Variants in CHN2 observed in about 807,000 individuals in gnomAD.
CHN2 encodes beta-chimaerin.
Under a neutral mutation model 56.3 loss-of-function variants are expected in CHN2, and 35 were observed. That is an observed-to-expected ratio of 0.62 (90% CI 0.47 to 0.82). The LOEUF is 0.82. Ranked by LOEUF, CHN2 falls within the 40% of genes least tolerant of loss-of-function variation. The pLI is 0.00. For missense variants in CHN2, 491 were observed against 580.5 expected (o/e 0.85, Z 1.58); for synonymous variants, 210 against 212.8 (o/e 0.99, Z 0.12).
chr7:29,490,049 A>T (rs568887777), intron 7 of CHN2, among the ~76,000 whole-genome samples: 2 of 151,864 alleles, frequency 1.3e-5, no homozygotes, highest in South Asian at 4.2e-4. Context: ...AGATATAGGG[A>T]TATTTAAGAT....
intron 6 of CHN2, among the ~76,000 whole-genome samples, chr7:29,471,162 T>C (rs1259438626): frequency 6.6e-6 from 1 of 152,242 alleles, no homozygotes; most frequent in Admixed American, 6.5e-5. Flanking sequence ...CTAAGACTTT[T>C]AAAGTTCGTA....
intron 1 of CHN2, among the ~76,000 whole-genome samples, chr7:29,327,199 A>G (rs1415454066): frequency 6.6e-6 from 1 of 152,182 alleles, no homozygotes; most frequent in Non-Finnish European, 1.5e-5. Flanking sequence ...CTTTGAGGTG[A>G]AGTAGAAGGT....
intron 12 of CHN2, among the ~76,000 whole-genome samples, chr7:29,511,970 G>A (rs1162887880): frequency 1.3e-5 from 2 of 151,956 alleles, no homozygotes; most frequent in African/African-American, 4.8e-5. Context: ...CTCATCCTGT[G>A]GGAACTAGAA....
intron 4 of CHN2, among the ~76,000 whole-genome samples, chr7:29,396,331 C>T (rs535719756): frequency 2.0e-5 from 3 of 151,894 alleles, no homozygotes; most frequent in East Asian, 3.9e-4. Flanking sequence ...GTGGGGTGTG[C>T]CTGTAGTCCC....
intron 1 of CHN2, among the ~76,000 whole-genome samples, chr7:29,265,143 T>C (rs1418713013): frequency 6.6e-6 from 1 of 152,196 alleles, no homozygotes; most frequent in African/African-American, 2.4e-5. Flanking sequence ...GTGGTGTCTC[T>C]GGCTATTTCC....
chr7:29,485,335 T>C (rs1453050533), intron 7 of CHN2, among the ~76,000 whole-genome samples: 1 of 152,118 alleles, frequency 6.6e-6, no homozygotes, highest in African/African-American at 2.4e-5. Flanking sequence ...TTCAAAACTA[T>C]GACAGCAGCA....
intron 3 of CHN2, among the ~76,000 whole-genome samples, chr7:29,369,747 T>C (rs1005613623): frequency 6.6e-6 from 1 of 152,170 alleles, no homozygotes; most frequent in Non-Finnish European, 1.5e-5. Context: ...ACTGAAACTC[T>C]TCAACCATCC....
At chr7:29,503,189 C>T (rs975040567) in intron 9 of CHN2, among the ~76,000 whole-genome samples, 1 of 151,980 alleles carries the variant, frequency 6.6e-6, no homozygotes, top group African/African-American at 2.4e-5. Flanking sequence ...AGGGAGGGAC[C>T]CTAAACATTA....
At chr7:29,340,033 A>G (rs1433941879) in intron 1 of CHN2, among the ~76,000 whole-genome samples, 1 of 152,110 alleles carries the variant, frequency 6.6e-6, no homozygotes, top group Admixed American at 6.6e-5. Flanking sequence ...TTGGACAGGG[A>G]CTTTACAATT....
intron 1 of CHN2, among the ~76,000 whole-genome samples, chr7:29,215,431 G>A (rs1785262981): frequency 1.3e-5 from 2 of 152,114 alleles, no homozygotes; most frequent in South Asian, 4.1e-4. Flanking sequence ...AGGCCTCCCA[G>A]AGGTCCCAAT....
intron 6 of CHN2, among the ~76,000 whole-genome samples, chr7:29,466,674 T>C (rs894577795): frequency 2.0e-5 from 3 of 152,202 alleles, no homozygotes; most frequent in Non-Finnish European, 4.4e-5. Context: ...CCACTTGTTT[T>C]GCACATCTGA....
intron 8 of CHN2, among the ~76,000 whole-genome samples, chr7:29,497,475 GT>G (rs1182535883): frequency 1.3e-5 from 2 of 151,370 alleles, no homozygotes; most frequent in East Asian, 1.9e-4. Context: ...TTTTTGTGGG[GT>G]TTTTTTCTGG....
At chr7:29,377,476 T>C (rs1386498585) in intron 3 of CHN2, among the ~76,000 whole-genome samples, 2 of 152,270 alleles carry the variant, frequency 1.3e-5, no homozygotes, top group African/African-American at 4.8e-5. Context: ...AATGTCCTCT[T>C]GCCTTAATGA....
intron 1 of CHN2, among the ~76,000 whole-genome samples, chr7:29,325,074 T>G (rs997108730): frequency 5.3e-5 from 8 of 152,366 alleles, no homozygotes; most frequent in Middle Eastern, 6.8e-3. Flanking sequence ...CCACCATTTT[T>G]GACTCCCTTT....
chr7:29,256,634 G>T (rs563173731), intron 1 of CHN2, among the ~76,000 whole-genome samples: 317 of 152,264 alleles, frequency 2.1e-3, no homozygotes, highest in African/African-American at 7.3e-3. Context: ...TGGATCATTT[G>T]TTCAAGGACT....
At chr7:29,496,115 G>A (rs1490752928) in intron 8 of CHN2, 79 bp downstream of exon 8, 1 of 1,220,830 alleles carries the variant, frequency 8.2e-7, no homozygotes, top group African/African-American at 1.5e-5. Flanking sequence ...CCAGAGCTGG[G>A]AAATGTGCTC....
intron 2 of CHN2, among the ~76,000 whole-genome samples, chr7:29,164,779 C>CAAAA (rs55742522): frequency 1.7e-4 from 15 of 85,860 alleles, no homozygotes; most frequent in South Asian, 4.5e-4. Context: ...AGACCTGTCT[C>CAAAA]AAAAAAAAAA....
chr7:29,352,976 T>C (rs1302783681), intron 1 of CHN2, among the ~76,000 whole-genome samples: 1 of 152,224 alleles, frequency 6.6e-6, no homozygotes, highest in Admixed American at 6.5e-5. Context: ...CACTGTTCTC[T>C]TACTTTGACA....
intron 1 of CHN2, among the ~76,000 whole-genome samples, chr7:29,195,629 A>AGAGAGAGAGAGAGAGAGAGAGAGAGAGT (rs869037854): frequency 8.5e-6 from 1 of 117,504 alleles, no homozygotes; most frequent in African/African-American, 3.6e-5. Flanking sequence ...AGAGAGAGAG[A>AGAGAGAGAGAGAGAGAGAGAGAGAGAGT]GTGTGTGTGT....
Sources: gnomAD v4.1 joint callset for allele counts (sites outside exome capture counted in the v4.1 genomes callset) on GRCh38, gnomAD v4.1.1 for gene constraint, MANE v1.5 for transcripts, NCBI Gene and HGNC (gene_info 2026-07-23, HGNC 2026-07-21) for gene names.